RGS7: variants seen among roughly 807,000 people sequenced by gnomAD.
The protein encoded by RGS7 is regulator of G-protein signaling 7.
A neutral mutation model predicts 81.1 loss-of-function variants in RGS7; 27 were observed. The ratio of observed to expected loss-of-function variants is 0.33; its 90% CI spans 0.25 to 0.46. The LOEUF is 0.46. Among genes scored for constraint, RGS7 ranks in the 20% least tolerant of loss-of-function variants. The pLI, the probability that RGS7 is intolerant of heterozygous loss-of-function variation, is 1.00. For synonymous variants in RGS7, 208 were observed against 207.7 expected, an observed-to-expected ratio of 1.00 and a Z score of -0.01; for missense variants, 396 against 607.4, an observed-to-expected ratio of 0.65 and a Z score of 3.66.
In RGS7 at chr1:240,930,760, A is replaced by G; in HGVS notation, c.342T>C (p.Tyr114=). Reference sequence around the variant, plus strand: ...GCTCCCAACAATTTGATGGCCAAAAATAGGGGGTCTGCGGAATGAAAAGAA... The same window carrying G: ...GCTCCCAACAATTTGATGGCCAAAAGTAGGGGGTCTGCGGAATGAAAAGAA... ...DGTFYRFQTP[Y]FWPSNCWEPE... The change falls in exon 6 of 19, where the codon TAT becomes TAC. Residue 114 remains tyrosine (Y), a synonymous_variant. Transcript: ENST00000440928. 1 of 1,613,970 alleles carries G rather than the reference A, an allele frequency of 6.2e-7. No homozygotes were observed. The highest frequency in any genetic ancestry group is 8.5e-7 in the Non-Finnish European group (1 of 1,179,842).
At chr1:241,274,979 A>C (rs762606581) in intron 2 of RGS7, among the ~76,000 whole-genome samples, 1 of 152,244 alleles carries the variant, frequency 6.6e-6, no homozygotes, top group South Asian at 2.1e-4. Flanking sequence ...TAGAGTAAAC[A>C]TGATTCTATA....
rs149845004 is a variant in RGS7, at chr1:241,196,147, G to A, written c.79-97385C>T. ...CAAAGGGGGGACAATAAGAATGACA[G>A]CTAATAGCTGACTTCTTAATTGAAA... is the stretch of plus-strand genomic sequence containing the variant. On this transcript the variant is annotated intron_variant, in intron 2 of 18. Coordinates refer to ENST00000440928, the MANE Select transcript of RGS7 (RefSeq NM_001364886.1). 4.6e-5 allele frequency among the ~76,000 whole-genome samples: 7 copies of A among 152,204 alleles called. No individual in the cohort carries two copies. The East Asian group carries it at 1.3e-3, about 29-fold the overall frequency.
intron 18 of RGS7, among the ~76,000 whole-genome samples, chr1:240,789,213 G>A (rs575959091): frequency 9.9e-5 from 15 of 152,238 alleles, no homozygotes; most frequent in Non-Finnish European, 2.2e-4. Context: ...CAATACCCTT[G>A]TGATTTCCTA....
chr1:241,122,286 C>G (rs1346673516), intron 2 of RGS7, among the ~76,000 whole-genome samples: 1 of 152,138 alleles, frequency 6.6e-6, no homozygotes, highest in Non-Finnish European at 1.5e-5. Flanking sequence ...ATCTGGATGC[C>G]TAGTGTGTAC....
intron 3 of RGS7, among the ~76,000 whole-genome samples, chr1:240,993,891 C>G (rs565112906): frequency 1.3e-5 from 2 of 151,842 alleles, no homozygotes; most frequent in African/African-American, 4.8e-5. Flanking sequence ...CCTTTTTGCC[C>G]GTGAATGTCC....
intron 3 of RGS7, among the ~76,000 whole-genome samples, chr1:241,016,566 AAC>A (rs1248973820): frequency 4.2e-5 from 6 of 143,934 alleles, no homozygotes; most frequent in African/African-American, 8.8e-5. Context: ...CAACCAAACA[AAC>A]AAAAAAAAAA....
intron 2 of RGS7, among the ~76,000 whole-genome samples, chr1:241,340,258 T>G (rs1178222631): frequency 6.6e-6 from 1 of 152,164 alleles, no homozygotes; most frequent in African/African-American, 2.4e-5. Context: ...GTTGTAATAA[T>G]CTTTTCACAC....
chr1:240,823,195 G>A, intron 10 of RGS7: 1 of 929,522 alleles, frequency 1.1e-6, no homozygotes, highest in Middle Eastern at 2.2e-4. Flanking sequence ...CAGGATAAGC[G>A]TGTCCATGGA....
chr1:240,867,919 T>C (rs938380727), intron 9 of RGS7, among the ~76,000 whole-genome samples: 1 of 151,674 alleles, frequency 6.6e-6, no homozygotes, highest in South Asian at 2.1e-4. Context: ...GGAGGACGGC[T>C]TGAACTGGGA....
chr1:241,092,300 C>A (rs1312623071), intron 3 of RGS7, among the ~76,000 whole-genome samples: 2 of 152,178 alleles, frequency 1.3e-5, no homozygotes. Flanking sequence ...ATCATTTCCT[C>A]TTTTATTCAT....
chr1:241,244,857 C>CA (rs922048808), intron 2 of RGS7, among the ~76,000 whole-genome samples: 20 of 149,478 alleles, frequency 1.3e-4, no homozygotes, highest in African/African-American at 4.7e-4. Flanking sequence ...ATCGCAAGGA[C>CA]AAAAAAACCA....
chr1:241,234,262 A>G (rs540145428), intron 2 of RGS7, among the ~76,000 whole-genome samples: 1 of 152,318 alleles, frequency 6.6e-6, no homozygotes, highest in African/African-American at 2.4e-5. Context: ...AAAACCTGCC[A>G]GTTGTTTATC....
chr1:241,074,999 C>A (rs982807435), intron 3 of RGS7, among the ~76,000 whole-genome samples: 1 of 152,130 alleles, frequency 6.6e-6, no homozygotes, highest in Admixed American at 6.6e-5. Flanking sequence ...ATTTGCCCCC[C>A]ACAACTCTTA....
At chr1:241,116,652 A>C (rs757386670) in intron 2 of RGS7, among the ~76,000 whole-genome samples, 1 of 152,180 alleles carries the variant, frequency 6.6e-6, no homozygotes, top group African/African-American at 2.4e-5. Flanking sequence ...ACATTCTGTA[A>C]ATTTTTTTTA....
At chr1:241,229,573 A>G (rs1028673707) in intron 2 of RGS7, among the ~76,000 whole-genome samples, 1 of 152,218 alleles carries the variant, frequency 6.6e-6, no homozygotes, top group African/African-American at 2.4e-5. Context: ...TGCTCTAAAT[A>G]TTTGAAGAGA....
At chr1:241,215,240 A>G (rs1461486480) in intron 2 of RGS7, among the ~76,000 whole-genome samples, 1 of 152,138 alleles carries the variant, frequency 6.6e-6, no homozygotes, top group African/African-American at 2.4e-5. Flanking sequence ...GGATATGTCT[A>G]TTTTAGTTAT....
At chr1:240,850,152 G>GCCC (rs1659842886) in intron 9 of RGS7, among the ~76,000 whole-genome samples, 1 of 152,192 alleles carries the variant, frequency 6.6e-6, no homozygotes, top group Non-Finnish European at 1.5e-5. Context: ...ATTGTGCTCT[G>GCCC]ATTTATTGTT....
At chr1:240,978,263 T>C (rs116295260) in intron 4 of RGS7, among the ~76,000 whole-genome samples, 2,126 of 152,094 alleles carry the variant, frequency 0.014, 37 homozygotes, top group East Asian at 0.049. Flanking sequence ...CAAAACAAAT[T>C]CACAAATATT....
At chr1:240,907,288 T>C (rs1670976680) in intron 6 of RGS7, among the ~76,000 whole-genome samples, 3 of 152,076 alleles carry the variant, frequency 2.0e-5, no homozygotes, top group African/African-American at 7.2e-5. Context: ...AATAGTATAT[T>C]TTAAATATGC....
Sources: allele counts gnomAD v4.1 joint callset (sites outside exome capture counted in the v4.1 genomes callset), GRCh38; gene constraint gnomAD v4.1.1; transcripts MANE v1.5; gene names NCBI Gene and HGNC (gene_info 2026-07-23, HGNC 2026-07-21).